Variants in GALNT13 observed in about 807,000 individuals in gnomAD.
GALNT13 encodes UDP-GalNAc:polypeptide N-acetylgalactosaminyltransferase 13.
A neutral mutation model predicts 64.2 loss-of-function variants in GALNT13; 28 were observed. The observed-to-expected ratio is 0.44, with a 90% CI of 0.32 to 0.60. GALNT13 has a LOEUF of 0.60. GALNT13 is among the 20% of genes least tolerant of loss of function. The pLI is 0.05. For synonymous variants in GALNT13, 214 were observed against 224.6 expected (o/e 0.95, Z 0.42); for missense variants, 577 against 669.8 (o/e 0.86, Z 1.53).
chr2:154,355,099 C>T (rs1319135647), intron 9 of GALNT13, among the ~76,000 whole-genome samples: 2 of 152,060 alleles, frequency 1.3e-5, no homozygotes, highest in Non-Finnish European at 2.9e-5. Flanking sequence ...TCAGACCCCA[C>T]TCAACTGCCA....
At chr2:154,331,455 A>G (rs1695163263) in intron 9 of GALNT13, among the ~76,000 whole-genome samples, 1 of 150,256 alleles carries the variant, frequency 6.7e-6, no homozygotes, top group African/African-American at 2.4e-5. Context: ...GGTATATGCC[A>G]CCATGCCCAC....
At chr2:153,082,657 A>G in the GALNT13 span, among the ~76,000 whole-genome samples, 2 of 127,030 alleles carry the variant, frequency 1.6e-5, no homozygotes, top group Non-Finnish European at 3.3e-5. Context: ...ACACACACAC[A>G]CACACACATA....
chr2:153,756,938 G>T, the GALNT13 span, among the ~76,000 whole-genome samples: 1 of 151,864 alleles, frequency 6.6e-6, no homozygotes, highest in African/African-American at 2.4e-5. Context: ...AAACACTTGT[G>T]TCACAAATAT....
At chr2:153,352,932 C>T in the GALNT13 span, among the ~76,000 whole-genome samples, 1 of 151,992 alleles carries the variant, frequency 6.6e-6, no homozygotes, top group Admixed American at 6.6e-5. Context: ...TGTTGGCTAT[C>T]CTGAATCTTT....
chr2:154,091,134 T>C (rs1226976135), intron 3 of GALNT13, among the ~76,000 whole-genome samples: 1 of 152,050 alleles, frequency 6.6e-6, no homozygotes, highest in Non-Finnish European at 1.5e-5. Flanking sequence ...ATTTGAAGTC[T>C]AGTGCTCAGA....
the GALNT13 span, among the ~76,000 whole-genome samples, chr2:153,662,480 T>C: frequency 1.3e-5 from 2 of 152,184 alleles, no homozygotes; most frequent in Admixed American, 1.3e-4. Flanking sequence ...TAATTACTGC[T>C]CAGGCTTCTC....
At chr2:154,140,171 T>A (rs1456364208) in intron 3 of GALNT13, among the ~76,000 whole-genome samples, 166 bp from the exon 4 acceptor site, 5 of 152,124 alleles carry the variant, frequency 3.3e-5, no homozygotes, top group Non-Finnish European at 5.9e-5. Flanking sequence ...TTGATGTTTT[T>A]CTTTAGCAGA....
At chr2:153,103,257 C>T in the GALNT13 span, among the ~76,000 whole-genome samples, 17 of 151,954 alleles carry the variant, frequency 1.1e-4, no homozygotes, top group Admixed American at 3.3e-4. Context: ...TCACTGTTCC[C>T]GCACACTGTC....
At chr2:153,413,223 C>T in the GALNT13 span, among the ~76,000 whole-genome samples, 2 of 152,128 alleles carry the variant, frequency 1.3e-5, no homozygotes, top group Non-Finnish European at 2.9e-5. Flanking sequence ...TCCTATCTGA[C>T]CTCTCCATTG....
the GALNT13 span, among the ~76,000 whole-genome samples, chr2:153,199,269 C>T: frequency 2.0e-5 from 3 of 152,332 alleles, no homozygotes; most frequent in South Asian, 6.2e-4. Context: ...GTGACTAACT[C>T]GTGTCAGAGG....
the GALNT13 span, among the ~76,000 whole-genome samples, chr2:153,578,199 G>A: frequency 2.2e-4 from 33 of 152,184 alleles, no homozygotes; most frequent in South Asian, 1.9e-3. Context: ...TCAAGGTGAA[G>A]TCTCTAACTA....
intron 1 of GALNT13, among the ~76,000 whole-genome samples, chr2:153,873,053 T>C (rs1282763748): frequency 6.6e-6 from 1 of 152,234 alleles, no homozygotes; most frequent in Non-Finnish European, 1.5e-5. Context: ...TCTTTCTGTG[T>C]CTGCTTCTCG....
At chr2:153,251,621 T>TCC in the GALNT13 span, among the ~76,000 whole-genome samples, 1 of 65,688 alleles carries the variant, frequency 1.5e-5, no homozygotes, top group East Asian at 5.5e-4. Context: ...CCCTCCCCCC[T>TCC]CCCCCCACCC....
At chr2:153,813,726 C>G in the GALNT13 span, among the ~76,000 whole-genome samples, 2 of 152,170 alleles carry the variant, frequency 1.3e-5, no homozygotes, top group African/African-American at 4.8e-5. Context: ...AACACATGTG[C>G]TGATCATAAG....
chr2:153,234,003 T>G, the GALNT13 span, among the ~76,000 whole-genome samples: 1 of 152,274 alleles, frequency 6.6e-6, no homozygotes, highest in South Asian at 2.1e-4. Context: ...TAAAAGAAGC[T>G]TATAACTAAT....
chr2:153,211,382 A>C, the GALNT13 span, among the ~76,000 whole-genome samples: 2 of 152,130 alleles, frequency 1.3e-5, no homozygotes. Flanking sequence ...CACTCAGGCA[A>C]TCCACCCATC....
chr2:153,328,440 T>C, the GALNT13 span, among the ~76,000 whole-genome samples: 1 of 152,136 alleles, frequency 6.6e-6, no homozygotes, highest in African/African-American at 2.4e-5. Flanking sequence ...CCCAGGGAGA[T>C]GGGAGTTTTA....
chr2:153,592,239 A>G, the GALNT13 span, among the ~76,000 whole-genome samples: 2 of 152,200 alleles, frequency 1.3e-5, no homozygotes, highest in Non-Finnish European at 2.9e-5. Flanking sequence ...GTTGGTAGGA[A>G]TGTGAATTAG....
chr2:153,516,058 T>C, the GALNT13 span, among the ~76,000 whole-genome samples: 2 of 152,214 alleles, frequency 1.3e-5, no homozygotes, highest in South Asian at 2.1e-4. Context: ...AGACCAGTTA[T>C]GAAACTGTTG....
Sources: allele counts gnomAD v4.1 joint callset (sites outside exome capture counted in the v4.1 genomes callset), GRCh38; gene constraint gnomAD v4.1.1; transcripts MANE v1.5; gene names NCBI Gene and HGNC (gene_info 2026-07-23, HGNC 2026-07-21).